The following ABCA1 variants were observed in gnomAD, a reference collection of about 807,000 sequenced individuals.
The protein encoded by ABCA1 is ATP binding cassette subfamily A member 1, also known as phospholipid-transporting ATPase ABCA1.
A neutral mutation model predicts 262.5 loss-of-function variants in ABCA1; 133 were observed. That is an observed-to-expected ratio of 0.51 (90% CI 0.44 to 0.59). ABCA1 has a LOEUF of 0.59. ABCA1 is among the 20% of genes least tolerant of loss of function. The pLI is 0.00. For synonymous variants in ABCA1, 1,022 were observed against 1,043.5 expected, an observed-to-expected ratio of 0.98 and a Z score of 0.40; for missense variants, 2,452 against 2,777.5, an observed-to-expected ratio of 0.88 and a Z score of 2.63.
At chr9:104,913,937 C>G (rs1043563044) in intron 1 of ABCA1, among the ~76,000 whole-genome samples, 2 of 149,868 alleles carry the variant, frequency 1.3e-5, no homozygotes, top group Non-Finnish European at 3.0e-5. Flanking sequence ...CTGGGACTAC[C>G]GACAGCCGCC....
intron 7 of ABCA1, among the ~76,000 whole-genome samples, chr9:104,854,348 A>G (rs571057608): frequency 6.6e-6 from 1 of 152,318 alleles, no homozygotes; most frequent in South Asian, 2.1e-4. Context: ...GTGAGCCTCT[A>G]AGAAGTAGAC....
chr9:104,842,689 T>C (rs1209232152), intron 8 of ABCA1, among the ~76,000 whole-genome samples: 2 of 152,202 alleles, frequency 1.3e-5, no homozygotes, highest in Non-Finnish European at 2.9e-5. Context: ...AGTGAATGAA[T>C]GAAACTGACT....
chr9:104,925,256 AG>A (rs1450872816), intron 1 of ABCA1, among the ~76,000 whole-genome samples: 3 of 152,022 alleles, frequency 2.0e-5, no homozygotes, highest in Non-Finnish European at 4.4e-5. Flanking sequence ...GTGCGCCTAT[AG>A]TCCCAGCTAC....
chr9:104,924,912 A>C (rs2472507), intron 1 of ABCA1, among the ~76,000 whole-genome samples: 28,709 of 152,194 alleles, frequency 0.19, 3,121 homozygotes, highest in South Asian at 0.34. Flanking sequence ...ACAGAAGATA[A>C]TAAAAAGCTA....
chr9:104,921,184 A>G (rs7035693), intron 1 of ABCA1, among the ~76,000 whole-genome samples: 21,956 of 152,174 alleles, frequency 0.14, 2,387 homozygotes, highest in African/African-American at 0.31. Context: ...GGGAAATATC[A>G]TAAACTAAAT....
At position 104,831,082 on chromosome 9, in the gene ABCA1, G is replaced by A; in HGVS notation, c.1735C>T (p.Arg579Ter). The change falls in exon 14 of 50, where the codon CGA becomes TGA. Residue 579 changes from arginine to a stop codon, truncating the protein, a stop_gained. Coordinates refer to ENST00000374736, the MANE Select transcript of ABCA1 (RefSeq NM_005502.4). LOFTEE classifies it high-confidence loss of function. ...CGCATGTCCTCAAAGGGGTCAGCTC[G>A]AGGACCAGGGTCCCAGTACCTAAAA... ...IKDGYWDPGPRADPFEDMRYV... is the reference protein window; with the variant it reads ...IKDGYWDPGP The A allele has an allele frequency of 1.2e-6, 2 of 1,608,842 alleles. No homozygotes were observed. Among genetic ancestry groups the A allele is most frequent in the Non-Finnish European group, 1.7e-6 (2 of 1,179,424 alleles).
chr9:104,917,741 A>G (rs1300947947), intron 1 of ABCA1, among the ~76,000 whole-genome samples: 2 of 152,056 alleles, frequency 1.3e-5, no homozygotes, highest in Non-Finnish European at 2.9e-5. Flanking sequence ...GCAACAGAGC[A>G]AGACTCGTCT....
intron 7 of ABCA1, among the ~76,000 whole-genome samples, chr9:104,853,504 C>T (rs935416613): frequency 3.9e-5 from 6 of 152,194 alleles, no homozygotes; most frequent in Non-Finnish European, 8.8e-5. Context: ...CCAGACTCAG[C>T]CTTCAGCCTG....
At chr9:104,846,433 C>T (rs1834890223) in intron 7 of ABCA1, among the ~76,000 whole-genome samples, 1 of 152,212 alleles carries the variant, frequency 6.6e-6, no homozygotes, top group Admixed American at 6.5e-5. Context: ...TCATATCAGA[C>T]ATCTCTGAAG....
chr9:104,839,792 C>T (rs2119033038), intron 9 of ABCA1, among the ~76,000 whole-genome samples: 1 of 152,268 alleles, frequency 6.6e-6, no homozygotes, highest in African/African-American at 2.4e-5. Context: ...GTAGTGTGAA[C>T]ACTTCGGATC....
At chr9:104,839,137 T>C (rs111516175) in intron 9 of ABCA1, among the ~76,000 whole-genome samples, 1,765 of 152,322 alleles carry the variant, frequency 0.012, 35 homozygotes, top group African/African-American at 0.039. Flanking sequence ...AACTGTGACA[T>C]TGGATCCCTG....
chr9:104,787,599 C>T (rs1464859201), intron 46 of ABCA1, among the ~76,000 whole-genome samples: 1 of 152,156 alleles, frequency 6.6e-6, no homozygotes, highest in Non-Finnish European at 1.5e-5. Flanking sequence ...AAGCTGTGTC[C>T]ACACTCTTCA....
At chr9:104,895,169 C>T (rs1259825618) in intron 2 of ABCA1, among the ~76,000 whole-genome samples, 1 of 152,234 alleles carries the variant, frequency 6.6e-6, no homozygotes, top group Non-Finnish European at 1.5e-5. Context: ...CCCAACCCCA[C>T]ACCTCCCCAT....
Position 104,788,521 on chromosome 9 carries a change from G to A in ABCA1, c.5974C>T (p.Pro1992Ser), listed in dbSNP as rs779000453. 1.2e-6 allele frequency: 2 copies of A among 1,614,096 alleles called. No homozygotes were observed. The highest frequency in any genetic ancestry group is 1.7e-6 in the Non-Finnish European group (2 of 1,179,994). The change falls in exon 45 of 50, where the codon CCT (proline) becomes TCT (serine). Residue 1992 changes from proline to serine, a missense_variant. Coordinates refer to ENST00000374736, the MANE Select transcript of ABCA1 (RefSeq NM_005502.4). The stretch of plus-strand genomic sequence containing the variant: ...AGCTCTGTGATGGCATCAAACTGAG[G>A]GCAGTAGCCCATGTTCTGATGTACT... ...HEVHQNMGYC[P>S]QFDAITELLT...
rs10693809 is a variant in ABCA1 at position 104,888,058 on chromosome 9, GGTGTGT to G, written c.160+1038_160+1043del. Among the ~76,000 whole-genome samples the G allele has an allele frequency of 2.0e-4, 28 of 140,396 alleles. No homozygotes were observed. The East Asian group carries it at 3.3e-3, about 16-fold the overall frequency. 92.1% of individuals were successfully genotyped at this position (140,396 alleles called of 152,430 possible). On this transcript the variant is annotated intron_variant, in intron 3 of 49. Coordinates refer to ENST00000374736, the MANE Select transcript of ABCA1 (RefSeq NM_005502.4). ...ACGTCTCAGAAAATGTTTCTTGAGGGGTGTGTGTGTGTGTGTGTGTGTGTGTGTGTG... is the reference window on the plus strand; with the variant it reads ...ACGTCTCAGAAAATGTTTCTTGAGGGGTGTGTGTGTGTGTGTGTGTGTGTG...
chr9:104,857,827 A>G (rs1835979884), intron 7 of ABCA1, among the ~76,000 whole-genome samples: 1 of 152,322 alleles, frequency 6.6e-6, no homozygotes, highest in Admixed American at 6.5e-5. Context: ...ATATTAAATG[A>G]TGATGTTTGG....
rs1428588602 is a variant in ABCA1 at position 104,810,170 on chromosome 9, T to TAC, written c.4176-607_4176-606insGT. Among the ~76,000 whole-genome samples the TAC allele has an allele frequency of 1.0e-3, 120 of 114,478 alleles. No homozygotes were observed. The South Asian group carries it at 0.016, about 15-fold the overall frequency. The allele number at this position is 114,478 out of a possible 152,430, so 75.1% of individuals were successfully genotyped here. A position where few individuals can be genotyped will look rare whatever the true frequency, so the allele number is the denominator to read the frequency against. On this transcript the variant is annotated intron_variant, in intron 29 of 49. Transcript: ENST00000374736. Reference sequence around the variant, plus strand: ...TATATATATATATATATATATATACTTTTTTTTTTTTAAATGCTTCCCTTT... The same window carrying TAC: ...TATATATATATATATATATATATACTACTTTTTTTTTTTAAATGCTTCCCTTT...
chr9:104,891,802 C>A (rs1313424044), intron 2 of ABCA1, among the ~76,000 whole-genome samples: 1 of 151,054 alleles, frequency 6.6e-6, no homozygotes, highest in Non-Finnish European at 1.5e-5. Context: ...CCCATCTCTA[C>A]TAAAAATACA....
Position 104,817,363 on chromosome 9 carries a change from G to C in ABCA1, c.3504C>G (p.Gly1168=), listed in dbSNP as rs370003969. The C allele has an allele frequency of 1.2e-5, 20 of 1,614,182 alleles. No homozygotes were observed. The highest frequency in any genetic ancestry group is 1.7e-5 in the Non-Finnish European group (20 of 1,180,042). The change falls in exon 24 of 50, where the codon GGC becomes GGG. Residue 1168 remains glycine, a synonymous_variant. Transcript: ENST00000374736. The surrounding 1 kb of genome is among the most constrained non-coding windows in gnomAD (Gnocchi z 4.7). Reference sequence around the variant, plus strand: ...TCAGCGTGTCACTCTCATGGTCGCTGCCCAGGCCAGCATCAGAACTGCTCT... The same window carrying C: ...TCAGCGTGTCACTCTCATGGTCGCTCCCCAGGCCAGCATCAGAACTGCTCT... The part of the protein sequence containing the change: ...VSQSSSDAGL[G]SDHESDTLTI...
Sources: gnomAD v4.1 joint callset for allele counts (sites outside exome capture counted in the v4.1 genomes callset) on GRCh38, gnomAD v4.1.1 for gene constraint, Gnocchi (gnomAD v3.1) non-coding constraint, MANE v1.5 for transcripts, NCBI Gene and HGNC (gene_info 2026-07-23, HGNC 2026-07-21) for gene names.